Variants in LYST observed in about 807,000 individuals in gnomAD.
LYST encodes lysosomal trafficking regulator.
Under a neutral mutation model 413.6 loss-of-function variants are expected in LYST, and 192 were observed. That is an observed-to-expected ratio of 0.46 (90% confidence interval 0.41 to 0.52). The LOEUF is 0.52. LYST is among the 20% of genes least tolerant of loss of function. The probability of loss-of-function intolerance (pLI) is 0.00; values close to 1 mark genes in which losing one functional copy is unlikely to be tolerated. For synonymous variants in LYST, 1,525 were observed against 1,567.3 expected (o/e 0.97, Z 0.64); for missense variants, 3,815 against 4,499.9 (o/e 0.85, Z 4.35).
intron 43 of LYST, among the ~76,000 whole-genome samples, 153 bp downstream of exon 43, chr1:235,711,904 G>A (rs1406925857): frequency 6.6e-6 from 1 of 151,800 alleles, no homozygotes; most frequent in Admixed American, 6.6e-5. Flanking sequence ...AAGCTTATTT[G>A]AAAATAGAAT....
intron 45 of LYST, among the ~76,000 whole-genome samples, chr1:235,701,187 A>G (rs1661516457): frequency 6.6e-6 from 1 of 152,220 alleles, no homozygotes. Flanking sequence ...TGAGGTGGGA[A>G]TGAAGCAGGC....
chr1:235,765,788 C>G (rs939173705), intron 21 of LYST, among the ~76,000 whole-genome samples: 1 of 152,142 alleles, frequency 6.6e-6, no homozygotes, highest in Admixed American at 6.5e-5. Flanking sequence ...CCTCTGTCCA[C>G]TGAAATCTCA....
chr1:235,810,661 G>T, intron 4 of LYST, 127 bp from the exon 5 acceptor site: 2 of 825,768 alleles, frequency 2.4e-6, no homozygotes, highest in East Asian at 2.6e-5. Flanking sequence ...TTTGCTGCAG[G>T]GCTGATTTCC....
chr1:235,675,410 G>A (rs897644688), intron 50 of LYST, among the ~76,000 whole-genome samples: 1 of 152,224 alleles, frequency 6.6e-6, no homozygotes, highest in African/African-American at 2.4e-5. Flanking sequence ...AGCAACAGGA[G>A]CTGTGTTAGG....
intron 1 of LYST, among the ~76,000 whole-genome samples, chr1:235,882,078 T>TCTCACACACACACACACA (rs71576491): frequency 6.9e-6 from 1 of 145,732 alleles, no homozygotes; most frequent in African/African-American, 2.6e-5. Context: ...ACTCTTTCTT[T>TCTCACACACACACACACA]CACACACACA....
intron 47 of LYST, among the ~76,000 whole-genome samples, chr1:235,691,440 T>C (rs6429238): frequency 0.66 from 100,786 of 152,046 alleles, 34,328 homozygotes; most frequent in African/African-American, 0.73. Context: ...ATACATGATG[T>C]CTGAATAACC....
At chr1:235,755,420 AAAG>A in intron 25 of LYST, 55 bp downstream of exon 25, 5 of 1,424,360 alleles carry the variant, frequency 3.5e-6, no homozygotes, top group South Asian at 2.3e-5. Flanking sequence ...AAAGAAAAGA[AAAG>A]AAAAGAAAAA....
intron 42 of LYST, among the ~76,000 whole-genome samples, chr1:235,714,761 G>A (rs973554123): frequency 6.6e-6 from 1 of 152,146 alleles, no homozygotes; most frequent in African/African-American, 2.4e-5. Flanking sequence ...GCCGGTGTGC[G>A]TCTTTTATTA....
intron 45 of LYST, among the ~76,000 whole-genome samples, chr1:235,702,251 C>G (rs938361717): frequency 1.3e-5 from 2 of 152,164 alleles, no homozygotes; most frequent in Non-Finnish European, 1.5e-5. Context: ...TTTTTGGAGG[C>G]AATACTTCTT....
intron 1 of LYST, among the ~76,000 whole-genome samples, chr1:235,849,704 G>C (rs1678299259): frequency 6.8e-6 from 1 of 146,520 alleles, no homozygotes; most frequent in African/African-American, 2.5e-5. Context: ...CGAATCAGTA[G>C]CTCTTCTATA....
At position 235,705,814 on chromosome 1, in the gene LYST, C is replaced by A. The variant is rs570432522; in HGVS notation, c.10144-2837G>T. Among the ~76,000 whole-genome samples the A allele has an allele frequency of 2.0e-5, 3 of 151,914 alleles. No individual in the cohort carries two copies. In the South Asian group the frequency reaches 6.2e-4, roughly 32 times the overall value. Reference sequence around the variant, plus strand: ...GCTCTTTTTATTTTTATTTTTTATACAGGGTCTCACTCTGTCACCCAGGCT... The same window carrying A: ...GCTCTTTTTATTTTTATTTTTTATAAAGGGTCTCACTCTGTCACCCAGGCT... On this transcript the variant is annotated intron_variant, in intron 44 of 52. Transcript: ENST00000389793.
chr1:235,861,369 A>G (rs1229534021), intron 1 of LYST, among the ~76,000 whole-genome samples: 2 of 152,204 alleles, frequency 1.3e-5, no homozygotes, highest in Admixed American at 6.5e-5. Flanking sequence ...AGCCTTCAAC[A>G]TTTCCAAACG....
chr1:235,799,346 C>T lies in LYST; in HGVS notation c.4006+974G>A, dbSNP rs547567202. On this transcript the variant is annotated intron_variant, in intron 10 of 52. Transcript: ENST00000389793. ...CATTTACATAGTCTCAAGTTATCTCCCCACAAGATACTTATTAATTATAAA... is the reference window on the plus strand; with the variant it reads ...CATTTACATAGTCTCAAGTTATCTCTCCACAAGATACTTATTAATTATAAA... Among the ~76,000 whole-genome samples, 13 of 152,070 alleles carry T rather than the reference C, an allele frequency of 8.5e-5. No homozygotes were observed. The South Asian group carries it at 2.7e-3, about 32-fold the overall frequency.
chr1:235,715,657 T>A (rs896256994), intron 41 of LYST, among the ~76,000 whole-genome samples: 3 of 152,112 alleles, frequency 2.0e-5, no homozygotes, highest in African/African-American at 7.2e-5. Flanking sequence ...TAATGGCTCA[T>A]AATGTCTAAG....
At chr1:235,846,825 CAAAG>C (rs1345948546) in intron 1 of LYST, among the ~76,000 whole-genome samples, 1 of 151,700 alleles carries the variant, frequency 6.6e-6, no homozygotes, top group Non-Finnish European at 1.5e-5. Context: ...CCAACAAAGA[CAAAG>C]AAAAAAGAAT....
At chr1:235,800,152 G>T (rs1231052495) in intron 10 of LYST, among the ~76,000 whole-genome samples, 168 bp downstream of exon 10, 1 of 150,154 alleles carries the variant, frequency 6.7e-6, no homozygotes, top group African/African-American at 2.5e-5. Flanking sequence ...TCTCTATATT[G>T]CCCAGGCTGG....
chr1:235,679,869 C>T (rs1159735829), intron 48 of LYST, among the ~76,000 whole-genome samples: 2 of 152,124 alleles, frequency 1.3e-5, no homozygotes, highest in East Asian at 3.9e-4. Flanking sequence ...TGTCCAAGGA[C>T]AGTGTCAGTG....
chr1:235,707,220 AT>A (rs1369116425), intron 44 of LYST, among the ~76,000 whole-genome samples: 1 of 152,036 alleles, frequency 6.6e-6, no homozygotes, highest in Non-Finnish European at 1.5e-5. Context: ...CCTTCACCCT[AT>A]TTGAGTCTTA....
chr1:235,819,529 G>A (rs1415944184), intron 3 of LYST, among the ~76,000 whole-genome samples: 1 of 152,114 alleles, frequency 6.6e-6, no homozygotes, highest in Non-Finnish European at 1.5e-5. Context: ...ATCCAAGTGG[G>A]AAGTTCCCAA....
Sources: gnomAD v4.1 joint callset for allele counts (sites outside exome capture counted in the v4.1 genomes callset) on GRCh38, gnomAD v4.1.1 for gene constraint, MANE v1.5 for transcripts, NCBI Gene and HGNC (gene_info 2026-07-23, HGNC 2026-07-21) for gene names.